Variants in SYT14 observed in about 807,000 individuals in gnomAD.
SYT14 encodes the protein synaptotagmin-14.
A neutral mutation model predicts 74.2 loss-of-function variants in SYT14; 32 were observed. That is an observed-to-expected ratio of 0.43 (90% CI 0.33 to 0.58). The LOEUF (loss-of-function observed/expected upper bound fraction) is 0.58, where lower values mean the gene tolerates loss of function less well. Among genes scored for constraint, SYT14 ranks in the 20% least tolerant of loss-of-function variants. The pLI, the probability that SYT14 is intolerant of heterozygous loss-of-function variation, is 0.05. For missense variants in SYT14, 791 were observed against 981.8 expected, an observed-to-expected ratio of 0.81 and a Z score of 2.60; for synonymous variants, 298 against 337.7, an observed-to-expected ratio of 0.88 and a Z score of 1.29.
At chr1:210,103,762 C>CCTAT (rs2082112871) in intron 7 of SYT14, among the ~76,000 whole-genome samples, 1 of 152,056 alleles carries the variant, frequency 6.6e-6, no homozygotes, top group Non-Finnish European at 1.5e-5. Flanking sequence ...TCTCTAAAGG[C>CCTAT]CTATCCATCT....
At chr1:210,077,328 G>A (rs534670123) in intron 5 of SYT14, among the ~76,000 whole-genome samples, 3 of 152,216 alleles carry the variant, frequency 2.0e-5, no homozygotes, top group Non-Finnish European at 2.9e-5. Context: ...GAGCCGTGAG[G>A]GATCCACCCC....
At chr1:210,058,696 A>C (rs1391375759) in intron 5 of SYT14, among the ~76,000 whole-genome samples, 1 of 152,222 alleles carries the variant, frequency 6.6e-6, no homozygotes, top group Non-Finnish European at 1.5e-5. Context: ...AACCAGTGCT[A>C]GAGTGAGGTT....
intron 5 of SYT14, among the ~76,000 whole-genome samples, chr1:210,059,993 A>G (rs2081179039): frequency 6.6e-6 from 1 of 152,092 alleles, no homozygotes; most frequent in Non-Finnish European, 1.5e-5. Context: ...ATCTAATTCC[A>G]TTGTATGAGA....
chr1:209,994,740 G>A (rs1327535970), intron 2 of SYT14, among the ~76,000 whole-genome samples: 1 of 152,160 alleles, frequency 6.6e-6, no homozygotes, highest in Non-Finnish European at 1.5e-5. Flanking sequence ...CAGCTAGAAA[G>A]AAGGGTCAAG....
intron 2 of SYT14, among the ~76,000 whole-genome samples, chr1:209,986,972 A>G (rs1321548636): frequency 1.3e-5 from 2 of 152,170 alleles, no homozygotes; most frequent in East Asian, 1.9e-4. Context: ...CATGAACACA[A>G]TGCAACCAAG....
intron 2 of SYT14, among the ~76,000 whole-genome samples, chr1:210,011,433 A>T (rs2080084282): frequency 6.6e-6 from 1 of 152,138 alleles, no homozygotes; most frequent in Admixed American, 6.5e-5. Flanking sequence ...TGGTTCTAGG[A>T]GCAAGGCCTG....
intron 7 of SYT14, among the ~76,000 whole-genome samples, chr1:210,109,122 A>C (rs1257287095): frequency 1.3e-5 from 2 of 152,318 alleles, no homozygotes; most frequent in Middle Eastern, 6.8e-3. Flanking sequence ...AAACAACTCC[A>C]TCAAAAAGTG....
chr1:210,100,374 G>A lies in SYT14; in HGVS notation c.1947G>A (p.Val649=), dbSNP rs532632303. 54 of 1,613,740 alleles carry A rather than the reference G, an allele frequency of 3.3e-5. No individual in the cohort carries two copies. The African/African-American group carries it at 4.9e-4, about 15-fold the overall frequency. ...ATCGCATGAAAAAAGAAAAGATTGT[G>A]GGGGAAAAGATTTTTTATTTAACAA... Residue 649 remains valine (V), a synonymous_variant, in exon 7 of 10, where the codon GTG becomes GTA. Coordinates refer to ENST00000637265, the Ensembl canonical transcript of SYT14.
intron 2 of SYT14, among the ~76,000 whole-genome samples, chr1:210,008,113 A>G (rs2080021763): frequency 6.6e-6 from 1 of 152,180 alleles, no homozygotes; most frequent in Non-Finnish European, 1.5e-5. Flanking sequence ...TGCAGTGAGG[A>G]TTAAATAAGA....
chr1:210,066,805 T>C (rs2081304927), intron 5 of SYT14, among the ~76,000 whole-genome samples: 1 of 152,068 alleles, frequency 6.6e-6, no homozygotes, highest in Non-Finnish European at 1.5e-5. Flanking sequence ...AATACAGTGC[T>C]CAATGAAAAG....
chr1:210,020,875 A>T (rs1215182413), intron 4 of SYT14, among the ~76,000 whole-genome samples, 164 bp from the exon 4 acceptor site: 1 of 151,994 alleles, frequency 6.6e-6, no homozygotes, highest in African/African-American at 2.4e-5. Context: ...GTGTGTGTAT[A>T]TATGTGTGCA....
intron 5 of SYT14, among the ~76,000 whole-genome samples, chr1:210,075,492 G>A (rs982033056): frequency 4.6e-5 from 7 of 151,940 alleles, no homozygotes; most frequent in East Asian, 1.9e-4. Flanking sequence ...GTGCCACCAC[G>A]CCCGGCTAAT....
chr1:209,942,360 A>ACCCCC (rs34726566), intron 1 of SYT14, among the ~76,000 whole-genome samples: 1 of 74,638 alleles, frequency 1.3e-5, no homozygotes, highest in African/African-American at 9.5e-5. Context: ...ATGCAAATTT[A>ACCCCC]CCCCCCCCCC....
At chr1:209,990,570 T>TGTATATATATATACGTATATATATAC (rs2079663145) in intron 2 of SYT14, among the ~76,000 whole-genome samples, 3 of 136,012 alleles carry the variant, frequency 2.2e-5, no homozygotes, top group East Asian at 2.6e-4. Context: ...CGTATATATA[T>TGTATATATATATACGTATATATATAC]GTATGTATAT....
chr1:209,991,825 G>A (rs1006770009), intron 2 of SYT14, among the ~76,000 whole-genome samples: 1 of 149,734 alleles, frequency 6.7e-6, no homozygotes, highest in Non-Finnish European at 1.5e-5. Flanking sequence ...GCGAGACTCC[G>A]TCTCGAGAAA....
At chr1:210,113,168 C>CT (rs982793736) in intron 7 of SYT14, among the ~76,000 whole-genome samples, 6 of 151,340 alleles carry the variant, frequency 4.0e-5, no homozygotes, top group African/African-American at 1.5e-4. Context: ...CAGCCCTGCA[C>CT]TTCGGCTGTG....
chr1:209,959,130 CT>C (rs1210083888), intron 2 of SYT14, among the ~76,000 whole-genome samples: 1 of 152,020 alleles, frequency 6.6e-6, no homozygotes, highest in Admixed American at 6.6e-5. Flanking sequence ...CAAGATTATT[CT>C]TTTTTTAAAT....
At chr1:210,032,652 A>T (rs1202228059) in intron 5 of SYT14, among the ~76,000 whole-genome samples, 1 of 97,706 alleles carries the variant, frequency 1.0e-5, no homozygotes, top group Non-Finnish European at 1.8e-5. Context: ...TCTAGTACCC[A>T]GTAAAAAAAA....
At chr1:210,115,220 G>C (rs1387119089) in intron 7 of SYT14, among the ~76,000 whole-genome samples, 1 of 151,412 alleles carries the variant, frequency 6.6e-6, no homozygotes, top group Non-Finnish European at 1.5e-5. Context: ...TTTAGGTCAG[G>C]TGTGAGTTGA....
Sources: gnomAD v4.1 joint callset for allele counts (sites outside exome capture counted in the v4.1 genomes callset) on GRCh38, gnomAD v4.1.1 for gene constraint, MANE v1.5 for transcripts, NCBI Gene and HGNC (gene_info 2026-07-23, HGNC 2026-07-21) for gene names.